Variants in HNRNPC observed in about 807,000 individuals in gnomAD.
HNRNPC encodes heterogeneous nuclear ribonucleoproteins C1/C2.
In HNRNPC, 3 loss-of-function variants were observed where a neutral mutation model predicts 33.2. The observed-to-expected ratio is 0.09, with a 90% confidence interval of 0.04 to 0.23. HNRNPC has a LOEUF of 0.23. Among genes scored for constraint, HNRNPC ranks in the 10% least tolerant of loss-of-function variants. The pLI, the probability that HNRNPC is intolerant of heterozygous loss-of-function variation, is 1.00. For synonymous variants in HNRNPC, 121 were observed against 126.7 expected (o/e 0.96, Z 0.30); for missense variants, 143 against 366.7 (o/e 0.39, Z 4.98).
At chr14:21,237,852 A>G (rs1275195138) in intron 2 of HNRNPC, among the ~76,000 whole-genome samples, 2 of 151,958 alleles carry the variant, frequency 1.3e-5, no homozygotes, top group Non-Finnish European at 2.9e-5. Context: ...GCTCACTGCA[A>G]CCTACGCCTC....
chr14:21,254,905 G>C (rs1876888255), intron 2 of HNRNPC, among the ~76,000 whole-genome samples: 2 of 148,112 alleles, frequency 1.4e-5, no homozygotes, highest in Admixed American at 1.4e-4. Context: ...CTGGGCAACA[G>C]AGCGAGACTC....
At chr14:21,251,372 G>A (rs963829875) in intron 2 of HNRNPC, among the ~76,000 whole-genome samples, 6 of 149,680 alleles carry the variant, frequency 4.0e-5, no homozygotes, top group African/African-American at 1.5e-4. Flanking sequence ...TATACTTTAA[G>A]TCTACTCTGG....
intron 5 of HNRNPC, among the ~76,000 whole-genome samples, chr14:21,226,255 G>A (rs1469818364): frequency 3.0e-5 from 3 of 99,228 alleles, no homozygotes; most frequent in Non-Finnish European, 6.8e-5. Context: ...CTGGGAGGCG[G>A]AGGTTGCAGT....
chr14:21,214,077 T>C (rs1402638623), intron 5 of HNRNPC, among the ~76,000 whole-genome samples: 3 of 152,232 alleles, frequency 2.0e-5, no homozygotes, highest in Admixed American at 1.3e-4. Context: ...CACATTGTCA[T>C]TTCCATATAA....
rs1407781019 is a variant in HNRNPC, at chr14:21,209,968, T to C, written c.*1255A>G. 1 of 152,190 alleles carries C rather than the reference T, an allele frequency of 6.6e-6. No homozygotes were observed. The highest frequency in any genetic ancestry group is 1.5e-5 in the Non-Finnish European group (1 of 68,036). The allele number at this position is 152,190 out of a possible 1,614,324, so 9.4% of individuals were successfully genotyped here. A position where few individuals can be genotyped will look rare whatever the true frequency, so the allele number is the denominator to read the frequency against. On this transcript the variant is annotated 3_prime_UTR_variant, in exon 9 of 9. Coordinates refer to ENST00000553300, the MANE Select transcript of HNRNPC (RefSeq NM_004500.4). ...AAGATTAGCTAACAGGGGTAAAAGA[T>C]CATTTAGAGTAAAATAAATGTGTAA...
chr14:21,251,000 G>A (rs1335330096), intron 2 of HNRNPC, among the ~76,000 whole-genome samples: 6 of 152,058 alleles, frequency 3.9e-5, no homozygotes, highest in Admixed American at 1.3e-4. Flanking sequence ...GGTGGCTCAC[G>A]CCTGTAATCC....
chr14:21,237,580 T>C (rs182731620), intron 2 of HNRNPC, among the ~76,000 whole-genome samples: 10 of 152,326 alleles, frequency 6.6e-5, no homozygotes, highest in Admixed American at 3.9e-4. Context: ...TGTGGTGTTA[T>C]TGATGCTTAA....
At chr14:21,255,176 T>G (rs1876961563) in intron 2 of HNRNPC, among the ~76,000 whole-genome samples, 2 of 152,176 alleles carry the variant, frequency 1.3e-5, no homozygotes, top group Admixed American at 6.5e-5. Context: ...TTGTTCAAAA[T>G]GTACTCTACT....
intron 5 of HNRNPC, among the ~76,000 whole-genome samples, chr14:21,226,649 G>A (rs1454991976): frequency 1.3e-5 from 2 of 152,086 alleles, no homozygotes; most frequent in Admixed American, 1.3e-4. Flanking sequence ...TTGAGCCCAG[G>A]CGGGTGGACC....
At chr14:21,213,194 T>G (rs766689232) in intron 5 of HNRNPC, 77 bp from the exon 6 acceptor site, 5 of 1,399,416 alleles carry the variant, frequency 3.6e-6, no homozygotes, top group Non-Finnish European at 3.9e-6. Flanking sequence ...TTATGATAAA[T>G]AGTAAGTGAA....
chr14:21,211,993 A>T (rs896980932), intron 6 of HNRNPC, 70 bp from the exon 7 acceptor site: 4 of 1,186,026 alleles, frequency 3.4e-6, no homozygotes, highest in Non-Finnish European at 5.0e-6. Context: ...ATACACTGCC[A>T]CCAGACTACA....
At chr14:21,251,497 G>A (rs1181395540) in intron 2 of HNRNPC, among the ~76,000 whole-genome samples, 4 of 151,908 alleles carry the variant, frequency 2.6e-5, no homozygotes, top group Non-Finnish European at 4.4e-5. Flanking sequence ...TGGCCTACAC[G>A]GTGAAACCCT....
At chr14:21,257,081 G>A (rs533747119) in intron 2 of HNRNPC, among the ~76,000 whole-genome samples, 26 of 152,364 alleles carry the variant, frequency 1.7e-4, no homozygotes, top group African/African-American at 6.3e-4. Context: ...CAAGAGACTG[G>A]TTTGAGGCAT....
intron 2 of HNRNPC, among the ~76,000 whole-genome samples, chr14:21,254,075 A>C (rs1303753729): frequency 6.7e-6 from 1 of 148,434 alleles, no homozygotes; most frequent in Non-Finnish European, 1.5e-5. Flanking sequence ...AAAAAAAAAA[A>C]AAAAGTGCAT....
At chr14:21,217,201 T>TA (rs1189711794) in intron 5 of HNRNPC, among the ~76,000 whole-genome samples, 1 of 152,226 alleles carries the variant, frequency 6.6e-6, no homozygotes, top group Non-Finnish European at 1.5e-5. Flanking sequence ...GTTCGTAACA[T>TA]AGTTGGAATT....
intron 5 of HNRNPC, among the ~76,000 whole-genome samples, chr14:21,217,696 C>T (rs1566597973): frequency 1.3e-5 from 2 of 152,062 alleles, no homozygotes; most frequent in Admixed American, 1.3e-4. Context: ...GAAAGAATTA[C>T]AAATATTAGT....
chr14:21,266,490 T>C (rs543392901), intron 1 of HNRNPC, among the ~76,000 whole-genome samples: 1 of 152,124 alleles, frequency 6.6e-6, no homozygotes, highest in South Asian at 2.1e-4. Flanking sequence ...CCTGATACAA[T>C]ATAAATAAAT....
intron 3 of HNRNPC, among the ~76,000 whole-genome samples, chr14:21,233,289 C>T (rs866797023): frequency 6.6e-6 from 1 of 152,126 alleles, no homozygotes; most frequent in African/African-American, 2.4e-5. Context: ...CTCTAACCTA[C>T]CATGCTTTGA....
Position 21,263,333 on chromosome 14 carries a change from C to T in HNRNPC, c.-59G>A, listed in dbSNP as rs1954299029. The T allele has an allele frequency of 6.6e-6, 1 of 152,280 alleles. No homozygotes were observed. Among genetic ancestry groups the T allele is most frequent in the Non-Finnish European group, 1.5e-5 (1 of 67,952 alleles). The allele number at this position is 152,280 out of a possible 1,614,324, so 9.4% of individuals were successfully genotyped here. ...TACTGTAGCTGAAGATCAAAAAAAT[C>T]TCACTGTAAAAAAACAAAAATAAAA... On this transcript the variant is annotated 5_prime_UTR_variant, in exon 2 of 9. Transcript: ENST00000553300.
Sources: gnomAD v4.1 joint callset for allele counts (sites outside exome capture counted in the v4.1 genomes callset) on GRCh38, gnomAD v4.1.1 for gene constraint, MANE v1.5 for transcripts, NCBI Gene and HGNC (gene_info 2026-07-23, HGNC 2026-07-21) for gene names.